SGMS1: variants seen among roughly 807,000 people sequenced by gnomAD.
The protein encoded by SGMS1 is phosphatidylcholine:ceramide cholinephosphotransferase 1.
In SGMS1, 13 loss-of-function variants were observed where a neutral mutation model predicts 46.2. The observed-to-expected ratio is 0.28, with a 90% confidence interval of 0.18 to 0.45. The LOEUF (loss-of-function observed/expected upper bound fraction) is 0.45. Among genes scored for constraint, SGMS1 ranks in the 20% least tolerant of loss-of-function variants. SGMS1 has a pLI of 1.00. For synonymous variants in SGMS1, 203 were observed against 187.8 expected, an observed-to-expected ratio of 1.08 and a Z score of -0.66; for missense variants, 324 against 519.9, an observed-to-expected ratio of 0.62 and a Z score of 3.66.
At chr10:50,530,083 C>A (rs1837939841) in intron 2 of SGMS1, among the ~76,000 whole-genome samples, 1 of 152,308 alleles carries the variant, frequency 6.6e-6, no homozygotes, top group Non-Finnish European at 1.5e-5. Context: ...TCCTGAAAAC[C>A]TGCACATTGC....
At chr10:50,623,548 C>T in intron 1 of SGMS1, 159 bp downstream of exon 1, 1 of 981,500 alleles carries the variant, frequency 1.0e-6, no homozygotes, top group Non-Finnish European at 1.2e-6. Flanking sequence ...GGACTGCCCG[C>T]CAGGTACGCG....
At chr10:50,443,832 A>G (rs1849575646) in intron 5 of SGMS1, among the ~76,000 whole-genome samples, 1 of 152,160 alleles carries the variant, frequency 6.6e-6, no homozygotes, top group Non-Finnish European at 1.5e-5. Flanking sequence ...TGACATATAT[A>G]GATATAAAAT....
At chr10:50,578,931 T>G (rs1285887149) in intron 2 of SGMS1, among the ~76,000 whole-genome samples, 1 of 152,184 alleles carries the variant, frequency 6.6e-6, no homozygotes, top group Non-Finnish European at 1.5e-5. Flanking sequence ...TCTTCCAGTT[T>G]GTAAAGCCCC....
intron 2 of SGMS1, 121 bp downstream of exon 2, chr10:50,590,032 T>G (rs1015544337): frequency 2.0e-5 from 3 of 152,260 alleles, no homozygotes; most frequent in Non-Finnish European, 4.4e-5. Flanking sequence ...TGTGGCAAAA[T>G]GCTAATAACT....
In SGMS1 at chr10:50,324,578, C is replaced by T. The variant is rs545344416; in HGVS notation, c.741+2627G>A. Among the ~76,000 whole-genome samples the T allele has an allele frequency of 3.3e-5, 5 of 152,340 alleles. No homozygotes were observed. The South Asian group carries it at 8.3e-4, about 25-fold the overall frequency. On this transcript the variant is annotated intron_variant, in intron 8 of 10. Coordinates refer to ENST00000361781, the MANE Select transcript of SGMS1 (RefSeq NM_147156.4). ...TGGAGGATTCTAGCCCTTGCCTGAC[C>T]ACTGAATTTCTTAAGCTTGATCTGC...
chr10:50,327,996 A>G (rs1847556662), intron 7 of SGMS1: 1 of 350,840 alleles, frequency 2.9e-6, no homozygotes, highest in Non-Finnish European at 5.3e-6. Flanking sequence ...TATAGTAGGT[A>G]CAAATGGTAG....
At chr10:50,590,622 C>T (rs994853623) in intron 1 of SGMS1, 2 of 152,090 alleles carry the variant, frequency 1.3e-5, no homozygotes, top group Non-Finnish European at 2.9e-5. Context: ...CTTAACATAT[C>T]TATCACCTCA....
chr10:50,546,499 T>C (rs1024264130), intron 2 of SGMS1, among the ~76,000 whole-genome samples: 2 of 152,124 alleles, frequency 1.3e-5, no homozygotes, highest in Non-Finnish European at 2.9e-5. Context: ...TAGACTGGAT[T>C]AAGAAAATGT....
intron 2 of SGMS1, among the ~76,000 whole-genome samples, chr10:50,543,010 C>T (rs1048864322): frequency 6.6e-6 from 1 of 152,082 alleles, no homozygotes; most frequent in Non-Finnish European, 1.5e-5. Flanking sequence ...TATGATAGCT[C>T]TTGGGACAAT....
intron 6 of SGMS1, among the ~76,000 whole-genome samples, chr10:50,349,087 C>G (rs1013954722): frequency 6.6e-6 from 1 of 152,214 alleles, no homozygotes; most frequent in Non-Finnish European, 1.5e-5. Flanking sequence ...AACAAAGGAA[C>G]TCGAATATTG....
chr10:50,325,232 G>T (rs1265412173), intron 8 of SGMS1, among the ~76,000 whole-genome samples: 1 of 152,140 alleles, frequency 6.6e-6, no homozygotes, highest in African/African-American at 2.4e-5. Flanking sequence ...GGGTTTATGG[G>T]AGTTCCTTAT....
At chr10:50,375,613 G>A (rs1848512052) in intron 6 of SGMS1, among the ~76,000 whole-genome samples, 1 of 152,202 alleles carries the variant, frequency 6.6e-6, no homozygotes. Context: ...GAATGGAAGA[G>A]AGAGGAGTCA....
intron 2 of SGMS1, among the ~76,000 whole-genome samples, chr10:50,569,879 T>C (rs1336639701): frequency 6.6e-6 from 1 of 152,014 alleles, no homozygotes; most frequent in Admixed American, 6.6e-5. Flanking sequence ...ATCCCTCCCT[T>C]AGGAGGCTAG....
intron 6 of SGMS1, among the ~76,000 whole-genome samples, chr10:50,356,814 A>ACTTGT (rs1848157709): frequency 6.6e-6 from 1 of 152,170 alleles, no homozygotes; most frequent in Non-Finnish European, 1.5e-5. Context: ...AACTGTCACA[A>ACTTGT]GGACAAAAAA....
chr10:50,615,207 G>A (rs567542336), intron 1 of SGMS1, among the ~76,000 whole-genome samples: 1 of 152,244 alleles, frequency 6.6e-6, no homozygotes, highest in South Asian at 2.1e-4. Flanking sequence ...CCGACATGTG[G>A]AAAAAGCCAT....
At chr10:50,423,702 G>C (rs1849284779) in intron 6 of SGMS1, among the ~76,000 whole-genome samples, 1 of 151,792 alleles carries the variant, frequency 6.6e-6, no homozygotes, top group South Asian at 2.1e-4. Context: ...CTTGACACAA[G>C]ATGTCTCTAG....
At chr10:50,612,539 A>C (rs183149292) in intron 1 of SGMS1, among the ~76,000 whole-genome samples, 118 of 152,346 alleles carry the variant, frequency 7.7e-4, no homozygotes, top group African/African-American at 2.4e-3. Flanking sequence ...ACACAAATGA[A>C]AGGGGAATTT....
At chr10:50,436,434 T>A (rs1023033596) in intron 5 of SGMS1, among the ~76,000 whole-genome samples, 1 of 151,786 alleles carries the variant, frequency 6.6e-6, no homozygotes, top group Non-Finnish European at 1.5e-5. Flanking sequence ...GCAGTGGGAG[T>A]GGGGAAGGGG....
At chr10:50,395,227 T>C (rs1848832341) in intron 6 of SGMS1, among the ~76,000 whole-genome samples, 1 of 152,200 alleles carries the variant, frequency 6.6e-6, no homozygotes, top group Non-Finnish European at 1.5e-5. Context: ...TTTACAATTC[T>C]AGGTGCAACT....
Sources: allele counts gnomAD v4.1 joint callset (sites outside exome capture counted in the v4.1 genomes callset), GRCh38; gene constraint gnomAD v4.1.1; transcripts MANE v1.5; gene names NCBI Gene and HGNC (gene_info 2026-07-23, HGNC 2026-07-21).